Variants in PCDHGB5 observed in about 807,000 individuals in gnomAD.
PCDHGB5 encodes the protein protocadherin gamma subfamily B, 5.
In PCDHGB5, 48 loss-of-function variants were observed where a neutral mutation model predicts 62.9. The observed-to-expected ratio is 0.76, with a 90% CI of 0.61 to 0.97. The LOEUF is 0.97. PCDHGB5 is among the 50% of genes least tolerant of loss of function. The pLI is 0.00. For missense variants in PCDHGB5, 1,118 were observed against 1,198.6 expected (o/e 0.93, Z 0.99); for synonymous variants, 474 against 511.2 (o/e 0.93, Z 0.98).
chr5:141,503,781 G>A (rs1393561411), intron 2 of PCDHGB5, among the ~76,000 whole-genome samples: 1 of 152,110 alleles, frequency 6.6e-6, no homozygotes, highest in East Asian at 1.9e-4. Flanking sequence ...TTCTTAGGCT[G>A]AGTTCATCTA....
intron 1 of PCDHGB5, chr5:141,423,311 T>G: frequency 2.5e-6 from 4 of 1,614,134 alleles, no homozygotes; most frequent in Non-Finnish European, 3.4e-6. Flanking sequence ...CTGTACTTGG[T>G]GGTGGCGGTG....
Position 141,400,217 on chromosome 5 carries a change from T to G in PCDHGB5, c.2090T>G (p.Val697Gly). 6.2e-7 allele frequency: 1 copy of G among 1,614,034 alleles called. No individual in the cohort carries two copies. The highest frequency in any genetic ancestry group is 8.5e-7 in the Non-Finnish European group (1 of 1,179,900). The change falls in exon 1 of 4, where the codon GTG becomes GGG. Residue 697 changes from valine to glycine, a missense_variant. By Grantham distance (109) the Val-to-Gly change is moderately radical (BLOSUM62 -3). Around this residue, in one of 2 missense-constraint regions of PCDHGB5, gnomAD observed 1,034 missense variants for 1,029.1 expected, o/e 1.00. Transcript: ENST00000617380. ...GTGGTGGCCTTGGCCTTGATCTCAG[T>G]GCTCTTCCTCCTGGCCGTGATTCTG... ...YLVVALALISVLFLLAVILAV... is the reference protein window; with the variant it reads ...YLVVALALISGLFLLAVILAV...
chr5:141,405,364 C>G, intron 1 of PCDHGB5: 1 of 1,613,548 alleles, frequency 6.2e-7, no homozygotes, highest in Non-Finnish European at 8.5e-7. Context: ...TAGAAGACAC[C>G]CCTTTGGTTC....
rs1301352900 is a variant in PCDHGB5, at chr5:141,491,765, A to T, written c.2398-3042A>T. ...GGCACTGGAGAAGCCGCCCGTCCTC[A>T]TAAGGGATTGAACTTGCATCCACTC... On this transcript the variant is annotated intron_variant, in intron 1 of 3. Transcript: ENST00000617380. The surrounding 1 kb of genome is among the most constrained non-coding windows in gnomAD (Gnocchi z 6.9). 1.3e-6 allele frequency: 2 copies of T among 1,569,228 alleles called. No individual in the cohort carries two copies. Among genetic ancestry groups the T allele is most frequent in the Non-Finnish European group, 1.7e-6 (2 of 1,158,736 alleles).
intron 1 of PCDHGB5, chr5:141,417,757 G>A: frequency 7.0e-7 from 1 of 1,435,144 alleles, no homozygotes; most frequent in Non-Finnish European, 9.2e-7. Flanking sequence ...CCAGCTCCGA[G>A]ACCCGGGACT....
Position 141,490,479 on chromosome 5 carries a change from C to A in PCDHGB5, c.2398-4328C>A. 6.2e-7 allele frequency: 1 copy of A among 1,614,216 alleles called. No homozygotes were observed. Among genetic ancestry groups the A allele is most frequent in the South Asian group, 1.1e-5 (1 of 91,086 alleles). On this transcript the variant is annotated intron_variant, in intron 1 of 3. Transcript: ENST00000617380. The surrounding 1 kb of genome is among the most constrained non-coding windows in gnomAD (Gnocchi z 5.4). ...CGCTGCTAACCAGCCAGCCTTTGGA[C>A]CGGGAGGCCACATCCCACTATATCA...
chr5:141,486,688 C>G lies in PCDHGB5; in HGVS notation c.2398-8119C>G, dbSNP rs748605515. On this transcript the variant is annotated intron_variant, in intron 1 of 3. Coordinates refer to ENST00000617380, the MANE Select transcript of PCDHGB5 (RefSeq NM_018925.3). This position sits in a 1 kb window ranked among gnomAD's most constrained non-coding sequence, Gnocchi z 5.0. ...CCAGGAATCGAGATGTATCAGCTTCCTCTTTCATCTCTCTGAACCCCCAGA... is the reference window on the plus strand; with the variant it reads ...CCAGGAATCGAGATGTATCAGCTTCGTCTTTCATCTCTCTGAACCCCCAGA... The G allele has an allele frequency of 1.2e-6, 2 of 1,614,170 alleles. No homozygotes were observed. The highest frequency in any genetic ancestry group is 8.5e-7 in the Non-Finnish European group (1 of 1,180,044).
chr5:141,428,201 CT>C (rs1332694675), intron 1 of PCDHGB5: 1 of 1,349,696 alleles, frequency 7.4e-7, no homozygotes, highest in South Asian at 1.2e-5. Context: ...CTCTGCGCCG[CT>C]ACGCTTCACC....
chr5:141,409,912 C>T (rs775668669), intron 1 of PCDHGB5: 5 of 1,613,180 alleles, frequency 3.1e-6, no homozygotes, highest in Non-Finnish European at 2.5e-6. Context: ...TGGGTCCTGA[C>T]GGCTCCGCGT....
At position 141,485,396 on chromosome 5, in the gene PCDHGB5, T is replaced by C. The variant is rs1466959644; in HGVS notation, c.2398-9411T>C. 2.5e-6 allele frequency: 4 copies of C among 1,614,042 alleles called. No homozygotes were observed. Among genetic ancestry groups the C allele is most frequent in the Non-Finnish European group, 3.4e-6 (4 of 1,179,960 alleles). On this transcript the variant is annotated intron_variant, in intron 1 of 3. Coordinates refer to ENST00000617380, the MANE Select transcript of PCDHGB5 (RefSeq NM_018925.3). The surrounding 1 kb of genome is among the most constrained non-coding windows in gnomAD (Gnocchi z 5.7). ...CGCTGGAGAGGTGAACCAAAGACAC[T>C]TCCGTGTGGATTTGGACAGCGGAGC...
chr5:141,479,752 T>C (rs770200359), intron 1 of PCDHGB5: 4 of 152,236 alleles, frequency 2.6e-5, no homozygotes, highest in Non-Finnish European at 4.4e-5. Context: ...ATGTGAAAGG[T>C]AGATAAATTC....
intron 1 of PCDHGB5, chr5:141,423,202 G>T: frequency 6.2e-7 from 1 of 1,613,618 alleles, no homozygotes; most frequent in Non-Finnish European, 8.5e-7. Flanking sequence ...CTCGGCCACC[G>T]TCACGCTCAC....
chr5:141,430,666 G>A (rs2097301396), intron 1 of PCDHGB5: 1 of 1,222,518 alleles, frequency 8.2e-7, no homozygotes, highest in Admixed American at 2.7e-5. Flanking sequence ...GAGGAGCTCT[G>A]ACTTCCCAAC....
At chr5:141,443,683 A>C (rs1358937790) in intron 1 of PCDHGB5, among the ~76,000 whole-genome samples, 1 of 152,248 alleles carries the variant, frequency 6.6e-6, no homozygotes, top group Admixed American at 6.5e-5. Flanking sequence ...GTTTACAAAC[A>C]CTTCAAAAAT....
intron 1 of PCDHGB5, among the ~76,000 whole-genome samples, chr5:141,429,416 T>A (rs527999196): frequency 6.6e-6 from 1 of 152,230 alleles, no homozygotes; most frequent in Admixed American, 6.5e-5. Flanking sequence ...GGTCTCATTA[T>A]GTTGCCCAGG....
chr5:141,493,440 G>A lies in PCDHGB5; in HGVS notation c.2398-1367G>A, dbSNP rs2099748297. The stretch of plus-strand genomic sequence containing the variant: ...TTTTGCTTCTGCTGGGATGGGGCAA[G>A]GGTGGGGTTCCTTCCCTTTTAGGAC... On this transcript the variant is annotated intron_variant, in intron 1 of 3. Coordinates refer to ENST00000617380, the MANE Select transcript of PCDHGB5 (RefSeq NM_018925.3). The surrounding 1 kb of genome is among the most constrained non-coding windows in gnomAD (Gnocchi z 4.3). Among the ~76,000 whole-genome samples, 1 of 152,208 alleles carries A rather than the reference G, an allele frequency of 6.6e-6. No homozygotes were observed. Among genetic ancestry groups the A allele is most frequent in the African/African-American group, 2.4e-5 (1 of 41,450 alleles).
At chr5:141,410,544 G>A (rs1370251538) in intron 1 of PCDHGB5, 3 of 1,613,640 alleles carry the variant, frequency 1.9e-6, no homozygotes, top group Non-Finnish European at 2.5e-6. Flanking sequence ...GACATGGTTT[G>A]CAGTGTTTCT....
intron 1 of PCDHGB5, among the ~76,000 whole-genome samples, chr5:141,434,340 G>A (rs2097687601): frequency 6.6e-6 from 1 of 152,150 alleles, no homozygotes; most frequent in Non-Finnish European, 1.5e-5. Context: ...TTTGTGTCGG[G>A]AACAGGCCCC....
chr5:141,412,992 G>A (rs1367027301), intron 1 of PCDHGB5: 1 of 568,350 alleles, frequency 1.8e-6, no homozygotes, highest in Non-Finnish European at 3.0e-6. Flanking sequence ...AGCTCAATCC[G>A]GATTCTCAGG....
Sources: gnomAD v4.1 joint callset for allele counts (sites outside exome capture counted in the v4.1 genomes callset) on GRCh38, gnomAD v4.1.1 for gene constraint, gnomAD v4.1.1 regional missense constraint, Gnocchi (gnomAD v3.1) non-coding constraint, MANE v1.5 for transcripts, NCBI Gene and HGNC (gene_info 2026-07-23, HGNC 2026-07-21) for gene names.